Variants in RBFOX1 observed in about 807,000 individuals in gnomAD.
The protein encoded by RBFOX1 is RNA binding fox-1 homolog 1.
In RBFOX1, 8 loss-of-function variants were observed where a neutral mutation model predicts 57.7. The observed-to-expected ratio is 0.14, with a 90% confidence interval of 0.08 to 0.25. The LOEUF (loss-of-function observed/expected upper bound fraction) is 0.25, where lower values mean the gene tolerates loss of function less well. Ranked by LOEUF, RBFOX1 falls within the 10% of genes least tolerant of loss-of-function variation. RBFOX1 has a pLI of 1.00. For synonymous variants in RBFOX1, 326 were observed against 222.4 expected, an observed-to-expected ratio of 1.47 and a Z score of -4.15; for missense variants, 611 against 548.5, an observed-to-expected ratio of 1.11 and a Z score of -1.14.
At chr16:6,594,725 T>A (rs1288154284) in intron 2 of RBFOX1, among the ~76,000 whole-genome samples, 1 of 152,068 alleles carries the variant, frequency 6.6e-6, no homozygotes, top group Non-Finnish European at 1.5e-5. Flanking sequence ...TTATTGAGGT[T>A]CACTTACTAT....
chr16:6,255,155 G>T (rs1256602335), intron 1 of RBFOX1, among the ~76,000 whole-genome samples: 1 of 152,124 alleles, frequency 6.6e-6, no homozygotes, highest in African/African-American at 2.4e-5. Flanking sequence ...GAAGGGTGGT[G>T]AGAACCTGGA....
At chr16:7,069,915 A>G (rs77385455) in intron 4 of RBFOX1, among the ~76,000 whole-genome samples, 8,024 of 152,278 alleles carry the variant, frequency 0.053, 384 homozygotes, top group East Asian at 0.24. Context: ...TTTCAGGGAA[A>G]CGGAAACTAA....
intron 3 of RBFOX1, among the ~76,000 whole-genome samples, chr16:7,024,336 A>C (rs1418095140): frequency 1.3e-5 from 2 of 152,142 alleles, no homozygotes; most frequent in African/African-American, 4.8e-5. Flanking sequence ...ACCATAAGTG[A>C]TTTTTTAAAA....
intron 4 of RBFOX1, among the ~76,000 whole-genome samples, chr16:5,983,072 C>T (rs1303047237): frequency 1.3e-5 from 2 of 152,192 alleles, no homozygotes; most frequent in East Asian, 3.9e-4. Flanking sequence ...AGCTCTGACT[C>T]AAGAGTGAGT....
intron 2 of RBFOX1, among the ~76,000 whole-genome samples, chr16:6,320,619 A>G (rs2081654867): frequency 6.6e-6 from 1 of 152,160 alleles, no homozygotes; most frequent in Admixed American, 6.5e-5. Context: ...CACCTTACAT[A>G]GTTAACCCTG....
intron 5 of RBFOX1, among the ~76,000 whole-genome samples, chr16:7,574,742 C>G (rs558692986): frequency 8.5e-5 from 13 of 152,074 alleles, no homozygotes; most frequent in African/African-American, 1.4e-4. Flanking sequence ...ACAGACACAC[C>G]CAGGACCAAT....
intron 1 of RBFOX1, among the ~76,000 whole-genome samples, chr16:6,121,726 T>C (rs535240775): frequency 6.6e-5 from 10 of 152,268 alleles, no homozygotes; most frequent in Admixed American, 1.3e-4. Context: ...GTCTGCTTTC[T>C]ACATTTACCA....
chr16:6,419,394 T>G (rs1596974717), intron 2 of RBFOX1, among the ~76,000 whole-genome samples: 1 of 152,330 alleles, frequency 6.6e-6, no homozygotes, highest in East Asian at 1.9e-4. Flanking sequence ...TGTTCATTCT[T>G]GATTCATCAC....
rs112334467 is a variant in RBFOX1 at position 5,981,917 on chromosome 16, G to C, written c.351+114582G>C. Among the ~76,000 whole-genome samples the C allele has an allele frequency of 5.2e-3, 790 of 152,326 alleles. 11 individuals are homozygous for C. The highest frequency in any genetic ancestry group is 0.018 in the African/African-American group (762 of 41,578). ...CAGGCAGGCCGGTAAACATCCCATAGTGCACCCCCTCACCACAAAGAACTA... is the reference window on the plus strand; with the variant it reads ...CAGGCAGGCCGGTAAACATCCCATACTGCACCCCCTCACCACAAAGAACTA... On this transcript the variant is annotated intron_variant, in intron 4 of 19. Transcript: ENST00000641259.
At chr16:7,067,333 A>C (rs9941158) in intron 4 of RBFOX1, among the ~76,000 whole-genome samples, 109,292 of 151,746 alleles carry the variant, frequency 0.72, 39,968 homozygotes, top group East Asian at 0.91. Flanking sequence ...TTTATAGAAC[A>C]CAAATTTACT....
At chr16:6,870,748 C>T (rs1307190431) in intron 3 of RBFOX1, among the ~76,000 whole-genome samples, 1 of 152,160 alleles carries the variant, frequency 6.6e-6, no homozygotes, top group Non-Finnish European at 1.5e-5. Flanking sequence ...AACTCCTCCC[C>T]ACCCCAGCCC....
intron 2 of RBFOX1, among the ~76,000 whole-genome samples, chr16:6,360,041 C>G (rs2088150322): frequency 6.6e-6 from 1 of 152,016 alleles, no homozygotes; most frequent in Admixed American, 6.6e-5. Flanking sequence ...TTTCAATATG[C>G]TGGTTGTGAT....
chr16:6,320,086 GA>G (rs796394424), intron 2 of RBFOX1, among the ~76,000 whole-genome samples: 93 of 152,228 alleles, frequency 6.1e-4, no homozygotes, highest in African/African-American at 2.2e-3. Context: ...TGGTGACTGA[GA>G]GGGGGAAGGT....
At chr16:5,553,707 A>G (rs943890693) in intron 2 of RBFOX1, among the ~76,000 whole-genome samples, 2 of 150,002 alleles carry the variant, frequency 1.3e-5, no homozygotes, top group Non-Finnish European at 3.0e-5. Flanking sequence ...ATGTATATAT[A>G]TGTGTGTATA....
At chr16:6,839,977 A>T (rs2093367711) in intron 3 of RBFOX1, among the ~76,000 whole-genome samples, 1 of 152,214 alleles carries the variant, frequency 6.6e-6, no homozygotes. Context: ...TTTTAAAATA[A>T]CGAAATATTT....
chr16:7,087,644 G>A (rs2060195116), intron 4 of RBFOX1, among the ~76,000 whole-genome samples: 1 of 152,072 alleles, frequency 6.6e-6, no homozygotes, highest in East Asian at 1.9e-4. Flanking sequence ...ATCACATACA[G>A]TGCCACTGAA....
chr16:7,690,593 C>G (rs922331716), intron 14 of RBFOX1, among the ~76,000 whole-genome samples: 1 of 152,152 alleles, frequency 6.6e-6, no homozygotes, highest in Non-Finnish European at 1.5e-5. Flanking sequence ...CATAAGGAGA[C>G]AGACCCTGGT....
intron 3 of RBFOX1, among the ~76,000 whole-genome samples, chr16:6,952,623 G>T (rs1269014702): frequency 6.6e-6 from 1 of 151,888 alleles, no homozygotes; most frequent in Non-Finnish European, 1.5e-5. Context: ...GGGCAACAGA[G>T]CAAGACTCTG....
intron 1 of RBFOX1, among the ~76,000 whole-genome samples, chr16:6,195,086 G>T (rs1273377511): frequency 6.6e-6 from 1 of 152,084 alleles, no homozygotes; most frequent in Non-Finnish European, 1.5e-5. Flanking sequence ...AAGATGTTAG[G>T]GTTCACAGTT....
Sources: allele counts gnomAD v4.1 joint callset (sites outside exome capture counted in the v4.1 genomes callset), GRCh38; gene constraint gnomAD v4.1.1; transcripts MANE v1.5; gene names NCBI Gene and HGNC (gene_info 2026-07-23, HGNC 2026-07-21).